The following ABHD1 variants were observed in gnomAD, a reference collection of about 807,000 sequenced individuals.
ABHD1 encodes the protein protein ABHD1.
In ABHD1, 47 loss-of-function variants were observed where a neutral mutation model predicts 41.4. The ratio of observed to expected loss-of-function variants is 1.13; its 90% confidence interval spans 0.90 to 1.45. The LOEUF is 1.45. Among genes scored for constraint, ABHD1 ranks in the 40% most tolerant of loss-of-function variants. The pLI is 0.00. For synonymous variants in ABHD1, 205 were observed against 203.7 expected, an observed-to-expected ratio of 1.01 and a Z score of -0.05; for missense variants, 550 against 503.4, an observed-to-expected ratio of 1.09 and a Z score of -0.89.
At position 27,130,119 on chromosome 2, in the gene ABHD1, T is replaced by C. The variant is rs765545178; in HGVS notation, c.806T>C (p.Ile269Thr). 10 of 1,614,160 alleles carry C rather than the reference T, an allele frequency of 6.2e-6. No individual in the cohort carries two copies. The highest frequency in any genetic ancestry group is 4.5e-5 in the East Asian group (2 of 44,878). The part of the protein sequence containing the change: ...CQLVERNRKV[I>T]EKVVDIDFVL... ...TACTTTTGCAGAAACAGAAAGGTGATTGAAAAGGTGGTGGACATAGACTTT... is the reference window on the plus strand; with the variant it reads ...TACTTTTGCAGAAACAGAAAGGTGACTGAAAAGGTGGTGGACATAGACTTT... Residue 269 changes from isoleucine to threonine, a missense_variant, in exon 7 of 9, where the codon ATT (isoleucine) becomes ACT (threonine). Ile to Thr is a moderately conservative substitution (Grantham distance 89, BLOSUM62 -1). Transcript: ENST00000316470.
intron 8 of ABHD1, 57 bp from the exon 9 acceptor site, chr2:27,130,476 C>T (rs1672191766): frequency 1.2e-6 from 2 of 1,611,768 alleles, no homozygotes; most frequent in Non-Finnish European, 1.7e-6. Context: ...AGGGACGCAA[C>T]AGACAGCCTG....
At chr2:27,128,309 C>A in intron 1 of ABHD1, 132 bp from the exon 2 acceptor site, 1 of 1,077,282 alleles carries the variant, frequency 9.3e-7, no homozygotes, top group Non-Finnish European at 1.4e-6. Flanking sequence ...TGCTGAGTAT[C>A]TCACATGCAG....
intron 1 of ABHD1, chr2:27,124,345 T>C (rs1039569441): frequency 2.0e-6 from 1 of 506,226 alleles, no homozygotes; most frequent in African/African-American, 1.9e-5. Flanking sequence ...ATCAGAGATG[T>C]GCACACTTTG....
In ABHD1 at chr2:27,129,256, T is replaced by C. The variant is rs1294617827; in HGVS notation, c.459-60T>C. 3 of 1,608,742 alleles carry C rather than the reference T, an allele frequency of 1.9e-6. No homozygotes were observed. The African/African-American group carries it at 4.0e-5, about 22-fold the overall frequency. On this transcript the variant is annotated intron_variant, in intron 3 of 8. Coordinates refer to ENST00000316470, the MANE Select transcript of ABHD1 (RefSeq NM_032604.4). The stretch of plus-strand genomic sequence containing the variant: ...GTCTTTGGACAGGGGTCTTTCTGAA[T>C]ACTGAAAGGGGAGAGGGGCTAAGAA...
intron 1 of ABHD1, chr2:27,126,366 C>T (rs540574284): frequency 1.3e-5 from 2 of 152,242 alleles, no homozygotes; most frequent in Admixed American, 6.5e-5. Context: ...TGACAGCTGT[C>T]GTAATTCCAG....
At chr2:27,126,079 T>A (rs906510258) in intron 1 of ABHD1, 4 of 152,122 alleles carry the variant, frequency 2.6e-5, no homozygotes, top group Admixed American at 6.6e-5. Flanking sequence ...AGCATTCAAA[T>A]CCGTTCACAT....
Position 27,130,657 on chromosome 2 carries a change from G to C in ABHD1, c.1131G>C (p.Leu377Phe), listed in dbSNP as rs769504754. ...PWQHWYMSRL[L>F]HQYAKAIFQD... The stretch of plus-strand genomic sequence containing the variant: ...AGCACTGGTACATGAGCCGCCTCTT[G>C]CATCAGTACGCCAAAGCCATCTTCC... The change falls in exon 9 of 9, where the codon TTG becomes TTC. Residue 377 changes from leucine to phenylalanine, a missense_variant. Physicochemically the swap from Leu to Phe is conservative, Grantham distance 22. Transcript: ENST00000316470. 9 of 1,614,094 alleles carry C rather than the reference G, an allele frequency of 5.6e-6. No individual in the cohort carries two copies. The African/African-American group carries it at 6.7e-5, about 12-fold the overall frequency.
chr2:27,129,420 C>G, intron 4 of ABHD1, 59 bp downstream of exon 4: 2 of 1,612,976 alleles, frequency 1.2e-6, no homozygotes, highest in South Asian at 2.2e-5. Context: ...GATCCTTGGC[C>G]CTGGGGCTCA....
chr2:27,128,851 A>G lies in ABHD1; in HGVS notation c.276-94A>G, dbSNP rs917645984. ...CCTCAGATGATGCTGACGGGAAGTG[A>G]TAAGACTTGTTTGTGGGTGGGGCAG... On this transcript the variant is annotated intron_variant, in intron 2 of 8. Transcript: ENST00000316470. 1.7e-5 allele frequency: 24 copies of G among 1,432,124 alleles called. No homozygotes were observed. In the Middle Eastern group the frequency reaches 5.9e-4, roughly 35 times the overall value. The allele number at this position is 1,432,124 out of a possible 1,614,324, so 88.7% of individuals were successfully genotyped here.
chr2:27,125,894 C>G (rs866312600), intron 1 of ABHD1: 7 of 95,756 alleles, frequency 7.3e-5, no homozygotes, highest in South Asian at 4.4e-4. Flanking sequence ...GAGCAAAACT[C>G]CGTCTCAAAA....
intron 6 of ABHD1, 61 bp downstream of exon 6, chr2:27,129,988 T>C: frequency 1.2e-6 from 2 of 1,609,390 alleles, no homozygotes. Flanking sequence ...CACTCCAGGC[T>C]CTCCTAGTGC....
In ABHD1 at chr2:27,130,274, T is replaced by C. The variant is rs766726852; in HGVS notation, c.864T>C (p.Asp288=). 1.2e-6 allele frequency: 2 copies of C among 1,614,098 alleles called. No homozygotes were observed. Among genetic ancestry groups the C allele is most frequent in the Non-Finnish European group, 1.7e-6 (2 of 1,180,044 alleles). The stretch of plus-strand genomic sequence containing the variant: ...AGGCCCGTACAATCCGCCAGTTTGA[T>C]GAGCGCTACACATCTGTGGCCTTTG... The part of the protein sequence containing the change: ...VLQARTIRQF[D]ERYTSVAFGY... Residue 288 remains aspartate, a synonymous_variant, in exon 8 of 9, where the codon GAT becomes GAC. Transcript: ENST00000316470.
intron 8 of ABHD1, 32 bp downstream of exon 8, chr2:27,130,448 C>G (rs1416584895): frequency 3.1e-6 from 5 of 1,613,316 alleles, no homozygotes; most frequent in Non-Finnish European, 4.2e-6. Context: ...ACTTTGGCCC[C>G]AAGGAAAATG....
Position 27,129,799 on chromosome 2 carries a change from G to A in ABHD1, c.663G>A (p.Gly221=). The change falls in exon 6 of 9, where the codon GGG becomes GGA. Residue 221 remains glycine, a synonymous_variant. Coordinates refer to ENST00000316470, the MANE Select transcript of ABHD1 (RefSeq NM_032604.4). ...TGGCACAGGCCAGGCAGGCTGCAGG[G>A]CTGGTGGCAGCACTGACTCTGTCTG... is the stretch of plus-strand genomic sequence containing the variant. ...NHLAQARQAA[G]LVAALTLSAC... 2 of 1,614,232 alleles carry A rather than the reference G, an allele frequency of 1.2e-6. No homozygotes were observed. The highest frequency in any genetic ancestry group is 1.7e-6 in the Non-Finnish European group (2 of 1,180,052).
intron 6 of ABHD1, 55 bp downstream of exon 6, chr2:27,129,982 C>T: frequency 6.2e-7 from 1 of 1,611,050 alleles, no homozygotes; most frequent in East Asian, 2.2e-5. Flanking sequence ...GGCAGACACT[C>T]CAGGCTCTCC....
rs756415500 is a variant in ABHD1, at chr2:27,130,761, G to A, written c.*17G>A. 1.1e-5 allele frequency: 17 copies of A among 1,610,212 alleles called. No homozygotes were observed. In the South Asian group the frequency reaches 1.8e-4, roughly 17 times the overall value. ...AACAGCTGACAAGAGTACCATTTGG[G>A]GTCTCAGTTCACTCTTTCCTTGTTT... On this transcript the variant is annotated 3_prime_UTR_variant, in exon 9 of 9. Transcript: ENST00000316470.
At chr2:27,127,973 C>T (rs902082322) in intron 1 of ABHD1, among the ~76,000 whole-genome samples, 2 of 152,136 alleles carry the variant, frequency 1.3e-5, no homozygotes, top group African/African-American at 4.8e-5. Flanking sequence ...CACTTATTGA[C>T]AGGGTCTCAC....
In ABHD1 at chr2:27,128,611, G is replaced by A. The variant is rs1156964441; in HGVS notation, c.275+10G>A. ...TAGTCCTTTATCAGAGGTAAGAAGG[G>A]ACAGAACAGGGTGAACATGAAACCC... On this transcript the variant is annotated intron_variant, in intron 2 of 8. Transcript: ENST00000316470. 6.2e-7 allele frequency: 1 copy of A among 1,613,772 alleles called. No individual in the cohort carries two copies.
Position 27,129,806 on chromosome 2 carries a change from GCAGCA to G in ABHD1, c.672_676del (p.Ala225AspfsTer10). 6.2e-7 allele frequency: 1 copy of G among 1,614,232 alleles called. No individual in the cohort carries two copies. The highest frequency in any genetic ancestry group is 8.5e-7 in the Non-Finnish European group (1 of 1,180,050). On this transcript the variant is annotated frameshift_variant, in exon 6 of 9. Coordinates refer to ENST00000316470, the MANE Select transcript of ABHD1 (RefSeq NM_032604.4). LOFTEE classifies it high-confidence loss of function. Reference sequence around the variant, plus strand: ...GGCCAGGCAGGCTGCAGGGCTGGTGGCAGCACTGACTCTGTCTGCATGCTGGGATT... The same window carrying G: ...GGCCAGGCAGGCTGCAGGGCTGGTGGCTGACTCTGTCTGCATGCTGGGATT...
Sources: allele counts gnomAD v4.1 joint callset (sites outside exome capture counted in the v4.1 genomes callset), GRCh38; gene constraint gnomAD v4.1.1; transcripts MANE v1.5; gene names NCBI Gene and HGNC (gene_info 2026-07-23, HGNC 2026-07-21).